Variants in C8orf34 observed in about 807,000 individuals in gnomAD.
C8orf34 encodes chromosome 8 open reading frame 34, also known as uncharacterized protein C8orf34.
A neutral mutation model predicts 68.3 loss-of-function variants in C8orf34; 65 were observed. That is an observed-to-expected ratio of 0.95 (90% CI 0.78 to 1.17). C8orf34 has a LOEUF of 1.17. Among genes scored for constraint, C8orf34 ranks in the 50% most tolerant of loss-of-function variants. C8orf34 has a pLI of 0.00. For missense variants in C8orf34, 664 were observed against 655.4 expected (o/e 1.01, Z -0.14); for synonymous variants, 244 against 241.2 (o/e 1.01, Z -0.11).
intron 5 of C8orf34, among the ~76,000 whole-genome samples, chr8:68,514,936 GATT>G (rs1444460766): frequency 3.9e-5 from 6 of 152,150 alleles, no homozygotes; most frequent in African/African-American, 1.4e-4. Flanking sequence ...TTAAGGAAGA[GATT>G]ATGGGAATCA....
intron 7 of C8orf34, among the ~76,000 whole-genome samples, chr8:68,565,839 A>G (rs144489451): frequency 1.5e-3 from 235 of 152,288 alleles, no homozygotes; most frequent in African/African-American, 5.5e-3. Flanking sequence ...ATTTTTCTAA[A>G]TGGAACATAG....
intron 8 of C8orf34, among the ~76,000 whole-genome samples, chr8:68,707,625 G>T (rs961000958): frequency 6.6e-6 from 1 of 151,982 alleles, no homozygotes; most frequent in African/African-American, 2.4e-5. Context: ...ACCCCAGTTG[G>T]AGTGCAGTGG....
At chr8:68,363,971 C>T (rs1807127090) in intron 1 of C8orf34, among the ~76,000 whole-genome samples, 4 of 40,550 alleles carry the variant, frequency 9.9e-5, no homozygotes, top group African/African-American at 9.3e-4. Flanking sequence ...AGAGTCAAGA[C>T]CCATCAGTGT....
intron 8 of C8orf34, among the ~76,000 whole-genome samples, chr8:68,674,224 C>A (rs1820109099): frequency 6.6e-6 from 1 of 151,870 alleles, no homozygotes; most frequent in African/African-American, 2.4e-5. Context: ...ATATCTAATT[C>A]TTCAATGCCC....
At chr8:68,654,483 A>G (rs1448662505) in intron 8 of C8orf34, among the ~76,000 whole-genome samples, 1 of 152,180 alleles carries the variant, frequency 6.6e-6, no homozygotes, top group East Asian at 1.9e-4. Flanking sequence ...TAAAAGGGTA[A>G]CAACATATGT....
chr8:68,470,096 A>T (rs1812319402), intron 4 of C8orf34, among the ~76,000 whole-genome samples: 1 of 151,954 alleles, frequency 6.6e-6, no homozygotes, highest in South Asian at 2.1e-4. Flanking sequence ...TCTGAATGGG[A>T]TTCAAGGAAG....
chr8:68,417,585 T>A (rs1265365546), intron 1 of C8orf34, among the ~76,000 whole-genome samples: 2 of 152,134 alleles, frequency 1.3e-5, no homozygotes, highest in Non-Finnish European at 2.9e-5. Flanking sequence ...CCTATATTAT[T>A]CTTGAACACA....
At chr8:68,388,276 G>T (rs1199259166) in intron 1 of C8orf34, among the ~76,000 whole-genome samples, 1 of 152,106 alleles carries the variant, frequency 6.6e-6, no homozygotes, top group Non-Finnish European at 1.5e-5. Context: ...GGCAAACTCA[G>T]TCCTTAAGCT....
chr8:68,511,997 T>A (rs968669792), intron 5 of C8orf34, among the ~76,000 whole-genome samples: 1 of 152,200 alleles, frequency 6.6e-6, no homozygotes, highest in Non-Finnish European at 1.5e-5. Flanking sequence ...GAAGTGTTTT[T>A]TTTCTTTATT....
At chr8:68,667,163 T>C (rs931948052) in intron 8 of C8orf34, among the ~76,000 whole-genome samples, 2 of 152,216 alleles carry the variant, frequency 1.3e-5, no homozygotes, top group African/African-American at 4.8e-5. Context: ...TTGTTAGTTT[T>C]GAAACAATGA....
intron 7 of C8orf34, among the ~76,000 whole-genome samples, chr8:68,558,856 A>G (rs2130135735): frequency 6.6e-6 from 1 of 152,296 alleles, no homozygotes; most frequent in African/African-American, 2.4e-5. Flanking sequence ...AGAAAAAGAC[A>G]AGAAACAAAG....
At position 68,740,168 on chromosome 8, in the gene C8orf34, C is replaced by T. The variant is rs144024050; in HGVS notation, c.1404+18731C>T. The stretch of plus-strand genomic sequence containing the variant: ...TAAAAATTCTGGAAGACAACCTAGG[C>T]AATACCATTCTCGACACAGAAACCA... On this transcript the variant is annotated intron_variant, in intron 10 of 13. Coordinates refer to ENST00000518698, the MANE Select transcript of C8orf34 (RefSeq NM_052958.4). Among the ~76,000 whole-genome samples the T allele has an allele frequency of 5.7e-3, 871 of 152,140 alleles. 8 individuals carry two copies. Among genetic ancestry groups the T allele is most frequent in the African/African-American group, 0.02 (825 of 41,524 alleles).
chr8:68,498,348 T>C (rs1047263073), intron 5 of C8orf34, among the ~76,000 whole-genome samples: 3 of 152,214 alleles, frequency 2.0e-5, no homozygotes, highest in Admixed American at 6.5e-5. Context: ...TTGGAACAAC[T>C]TAAATATTAA....
intron 9 of C8orf34, among the ~76,000 whole-genome samples, chr8:68,718,963 A>G (rs1035212196): frequency 6.6e-6 from 1 of 152,174 alleles, no homozygotes; most frequent in African/African-American, 2.4e-5. Flanking sequence ...TTTCCCACCC[A>G]TCCATAGGTG....
At chr8:68,698,817 G>A (rs1223300703) in intron 8 of C8orf34, among the ~76,000 whole-genome samples, 1 of 152,028 alleles carries the variant, frequency 6.6e-6, no homozygotes, top group African/African-American at 2.4e-5. Flanking sequence ...TCATATTTGG[G>A]AAGAAAATTT....
chr8:68,523,074 C>T (rs1046755445), intron 6 of C8orf34, among the ~76,000 whole-genome samples: 52 of 152,146 alleles, frequency 3.4e-4, no homozygotes, highest in Admixed American at 1.3e-4. Context: ...AAAATTGATT[C>T]TATTTCCATG....
chr8:68,614,910 C>T, intron 7 of C8orf34, among the ~76,000 whole-genome samples: 1 of 152,224 alleles, frequency 6.6e-6, no homozygotes, highest in Non-Finnish European at 1.5e-5. Flanking sequence ...ATTGATTCTT[C>T]CTACCCATGA....
intron 8 of C8orf34, among the ~76,000 whole-genome samples, chr8:68,681,239 T>C (rs531656069): frequency 9.4e-4 from 143 of 152,312 alleles, no homozygotes; most frequent in Middle Eastern, 6.8e-3. Context: ...CCTGAGGTGA[T>C]GTATATCCTC....
intron 8 of C8orf34, among the ~76,000 whole-genome samples, chr8:68,650,202 C>G (rs1162705248): frequency 6.6e-6 from 1 of 151,910 alleles, no homozygotes; most frequent in East Asian, 1.9e-4. Context: ...AGGTGATACC[C>G]GAGGTTCGTT....
Sources: gnomAD v4.1 joint callset for allele counts (sites outside exome capture counted in the v4.1 genomes callset) on GRCh38, gnomAD v4.1.1 for gene constraint, MANE v1.5 for transcripts, NCBI Gene and HGNC (gene_info 2026-07-23, HGNC 2026-07-21) for gene names.